The following MYO5B variants were observed in gnomAD, a reference collection of about 807,000 sequenced individuals.
MYO5B encodes unconventional myosin-Vb.
A neutral mutation model predicts 229.3 loss-of-function variants in MYO5B; 143 were observed. That is an observed-to-expected ratio of 0.62 (90% confidence interval 0.54 to 0.72). MYO5B has a LOEUF of 0.72. MYO5B is among the 30% of genes least tolerant of loss of function. The probability of loss-of-function intolerance (pLI) is 0.00; values close to 1 mark genes in which losing one functional copy is unlikely to be tolerated. For synonymous variants in MYO5B, 918 were observed against 885.2 expected, an observed-to-expected ratio of 1.04 and a Z score of -0.66; for missense variants, 2,321 against 2,331.0, an observed-to-expected ratio of 1.00 and a Z score of 0.09.
intron 34 of MYO5B, among the ~76,000 whole-genome samples, chr18:49,842,420 G>A (rs2024069701): frequency 6.6e-6 from 1 of 152,260 alleles, no homozygotes; most frequent in East Asian, 1.9e-4. Flanking sequence ...GCAACCAGCA[G>A]CTCAGTGGAC....
chr18:49,834,470 C>T (rs1411160329), intron 39 of MYO5B, among the ~76,000 whole-genome samples: 1 of 152,210 alleles, frequency 6.6e-6, no homozygotes, highest in Admixed American at 6.5e-5. Context: ...CATTCCAACA[C>T]TGTCACAGTT....
At chr18:50,071,496 C>G (rs534499808) in intron 1 of MYO5B, among the ~76,000 whole-genome samples, 131 of 152,282 alleles carry the variant, frequency 8.6e-4, no homozygotes, top group Non-Finnish European at 1.6e-3. Flanking sequence ...CTTCTCATAG[C>G]AAGAAGCTAT....
At chr18:49,907,653 C>A (rs541049639) in intron 18 of MYO5B, among the ~76,000 whole-genome samples, 3 of 152,258 alleles carry the variant, frequency 2.0e-5, no homozygotes, top group Non-Finnish European at 4.4e-5. Context: ...GCAAATGGCC[C>A]TGAAAAATGC....
rs78484493 is a variant in MYO5B at position 49,855,565 on chromosome 18, G to A, written c.4022+1248C>T. On this transcript the variant is annotated intron_variant, in intron 30 of 39. Transcript: ENST00000285039. ...ATCTTATTGAATAATAACCATGATA[G>A]TAATAGAAGTAGCAGCTAATATTTA... is the stretch of plus-strand genomic sequence containing the variant. Among the ~76,000 whole-genome samples the A allele has an allele frequency of 6.7e-3, 1,018 of 152,332 alleles. 12 individuals are homozygous for A. The highest frequency in any genetic ancestry group is 0.022 in the African/African-American group (921 of 41,568).
At chr18:49,978,447 T>G (rs566456586) in intron 9 of MYO5B, among the ~76,000 whole-genome samples, 1 of 152,068 alleles carries the variant, frequency 6.6e-6, no homozygotes, top group Non-Finnish European at 1.5e-5. Context: ...GTCCACGGAC[T>G]CCCCAGCCCT....
chr18:50,068,014 C>T (rs80006744), intron 1 of MYO5B, among the ~76,000 whole-genome samples: 5,728 of 146,220 alleles, frequency 0.039, 353 homozygotes, highest in African/African-American at 0.14. Context: ...TATATACACA[C>T]ACGTACATAC....
Position 49,974,414 on chromosome 18 carries a change from T to A in MYO5B, c.1258A>T (p.Ile420Phe). ...AQLFGWIVEH[I>F]NKALHTSLKQ... ...AGGGAGGTGTGCAGGGCCTTGTTGA[T>A]GTGCTCCACAATCCAGCCGAACAAC... Residue 420 changes from isoleucine to phenylalanine, a missense_variant, in exon 10 of 40, where the codon ATC (isoleucine) becomes TTC (phenylalanine). Ile to Phe is a conservative substitution (Grantham distance 21, BLOSUM62 0). This residue lies in a region of MYO5B where 2,113 missense variants were observed against 2,044.7 expected (regional missense o/e 1.03). Transcript: ENST00000285039. The A allele has an allele frequency of 6.2e-7, 1 of 1,614,156 alleles. No homozygotes were observed. The highest frequency in any genetic ancestry group is 1.6e-4 in the Middle Eastern group (1 of 6,062).
intron 1 of MYO5B, among the ~76,000 whole-genome samples, chr18:50,174,059 C>CAA (rs962871904): frequency 1.1e-4 from 16 of 152,194 alleles, no homozygotes; most frequent in African/African-American, 3.6e-4. Flanking sequence ...CCAAATAGAA[C>CAA]AAAACGACAG....
intron 10 of MYO5B, among the ~76,000 whole-genome samples, chr18:49,968,247 C>T (rs542556710): frequency 1.3e-5 from 2 of 152,306 alleles, no homozygotes; most frequent in Admixed American, 6.5e-5. Context: ...TGCTTATTCT[C>T]GTGGCCCAAT....
At position 49,945,991 on chromosome 18, in the gene MYO5B, T is replaced by A. The variant is rs190622649; in HGVS notation, c.1752+7269A>T. ...GCTTATTAAATAATTCTAATTCATA[T>A]ACTTTCTGAAGTGAATTTTCAAGAT... On this transcript the variant is annotated intron_variant, in intron 14 of 39. Coordinates refer to ENST00000285039, the MANE Select transcript of MYO5B (RefSeq NM_001080467.3). Among the ~76,000 whole-genome samples the A allele has an allele frequency of 3.6e-3, 545 of 152,304 alleles. 3 individuals carry two copies. The highest frequency in any genetic ancestry group is 0.012 in the African/African-American group (512 of 41,578).
At chr18:50,176,265 G>A (rs928758394) in intron 1 of MYO5B, among the ~76,000 whole-genome samples, 1 of 152,142 alleles carries the variant, frequency 6.6e-6, no homozygotes, top group Non-Finnish European at 1.5e-5. Context: ...GCCCATGACC[G>A]TGGTGAGATG....
chr18:50,113,075 C>T (rs2031895090), intron 1 of MYO5B, among the ~76,000 whole-genome samples: 1 of 152,166 alleles, frequency 6.6e-6, no homozygotes, highest in Admixed American at 6.6e-5. Context: ...TCCCTGAGAC[C>T]TGTTTCAAGT....
chr18:50,156,637 G>T (rs1009132319), intron 1 of MYO5B, among the ~76,000 whole-genome samples: 1 of 152,174 alleles, frequency 6.6e-6, no homozygotes, highest in African/African-American at 2.4e-5. Context: ...TATTAGCAGT[G>T]TGAGAACAGA....
chr18:50,183,741 G>A (rs1470800385), intron 1 of MYO5B, among the ~76,000 whole-genome samples: 2 of 152,060 alleles, frequency 1.3e-5, no homozygotes, highest in Admixed American at 6.6e-5. Flanking sequence ...AATGTGGCGG[G>A]GGTGGGAGGC....
At chr18:49,861,061 T>A (rs1187968298) in intron 29 of MYO5B, among the ~76,000 whole-genome samples, 2 of 152,192 alleles carry the variant, frequency 1.3e-5, no homozygotes, top group Non-Finnish European at 2.9e-5. Context: ...CCATGGCCAC[T>A]TCCACAGCAC....
At chr18:49,909,617 G>A (rs1266864927) in intron 18 of MYO5B, among the ~76,000 whole-genome samples, 1 of 152,192 alleles carries the variant, frequency 6.6e-6, no homozygotes, top group African/African-American at 2.4e-5. Flanking sequence ...CAGGACCCTT[G>A]TCATTTATGT....
intron 14 of MYO5B, among the ~76,000 whole-genome samples, chr18:49,952,815 C>T (rs7229166): frequency 0.092 from 14,043 of 151,960 alleles, 776 homozygotes; most frequent in Middle Eastern, 0.2. Flanking sequence ...GTTCTATAGA[C>T]TGCTGAACAA....
intron 22 of MYO5B, among the ~76,000 whole-genome samples, chr18:49,893,126 C>T (rs11659765): frequency 0.2 from 30,724 of 152,090 alleles, 3,379 homozygotes; most frequent in East Asian, 0.41. Flanking sequence ...GTGCTGAAGT[C>T]CCCAAGTTGT....
At chr18:50,176,728 A>G (rs980151715) in intron 1 of MYO5B, among the ~76,000 whole-genome samples, 5 of 152,244 alleles carry the variant, frequency 3.3e-5, no homozygotes, top group African/African-American at 9.6e-5. Context: ...AATTAAAAGA[A>G]ATCATAAAGA....
Sources: allele counts gnomAD v4.1 joint callset (sites outside exome capture counted in the v4.1 genomes callset), GRCh38; gene constraint gnomAD v4.1.1; regional missense constraint gnomAD v4.1.1; transcripts MANE v1.5; gene names NCBI Gene and HGNC (gene_info 2026-07-23, HGNC 2026-07-21).